The following ALK variants were observed in gnomAD, a reference collection of about 807,000 sequenced individuals.
ALK encodes ALK tyrosine kinase receptor.
In ALK, 74 loss-of-function variants were observed where a neutral mutation model predicts 163.1. The ratio of observed to expected loss-of-function variants is 0.45; its 90% CI spans 0.38 to 0.55. The LOEUF is 0.55. Among genes scored for constraint, ALK ranks in the 20% least tolerant of loss-of-function variants. The pLI, the probability that ALK is intolerant of heterozygous loss-of-function variation, is 0.00. For missense variants in ALK, 2,063 were observed against 2,105.3 expected (o/e 0.98, Z 0.39); for synonymous variants, 960 against 843.2 (o/e 1.14, Z -2.40).
At chr2:29,497,144 C>T (rs997002002) in intron 4 of ALK, among the ~76,000 whole-genome samples, 4 of 152,004 alleles carry the variant, frequency 2.6e-5, no homozygotes, top group Admixed American at 6.5e-5. Flanking sequence ...TGGTGGTGGG[C>T]GCCTGTAATC....
At chr2:29,390,307 A>G (rs908454802) in intron 4 of ALK, among the ~76,000 whole-genome samples, 3 of 152,146 alleles carry the variant, frequency 2.0e-5, no homozygotes, top group Admixed American at 2.0e-4. Flanking sequence ...TGGGATGCCC[A>G]AACTCACGGG....
At chr2:29,595,138 C>A (rs1041132192) in intron 3 of ALK, among the ~76,000 whole-genome samples, 1 of 152,102 alleles carries the variant, frequency 6.6e-6, no homozygotes, top group Non-Finnish European at 1.5e-5. Flanking sequence ...ATTTGCATTA[C>A]ACACAGCTTA....
intron 4 of ALK, among the ~76,000 whole-genome samples, chr2:29,504,376 G>A (rs1325586582): frequency 2.0e-5 from 3 of 152,114 alleles, no homozygotes; most frequent in African/African-American, 4.8e-5. Context: ...GAGGTGGCCT[G>A]CTGGCATAAC....
At chr2:29,365,790 C>T (rs1355095629) in intron 5 of ALK, among the ~76,000 whole-genome samples, 1 of 152,082 alleles carries the variant, frequency 6.6e-6, no homozygotes, top group Non-Finnish European at 1.5e-5. Flanking sequence ...TCCATAAAGA[C>T]CTTTATAAAA....
intron 1 of ALK, among the ~76,000 whole-genome samples, chr2:29,894,541 AG>A (rs1667221512): frequency 6.6e-6 from 1 of 152,002 alleles, no homozygotes; most frequent in Non-Finnish European, 1.5e-5. Context: ...GGGGAGGGGG[AG>A]CAGGGAAAAA....
intron 4 of ALK, among the ~76,000 whole-genome samples, chr2:29,401,824 A>C (rs1245604706): frequency 1.3e-5 from 2 of 152,222 alleles, no homozygotes; most frequent in Non-Finnish European, 2.9e-5. Flanking sequence ...AGCGATTAAA[A>C]GGGAATTGCA....
At chr2:29,604,601 C>T (rs1441544894) in intron 3 of ALK, among the ~76,000 whole-genome samples, 1 of 152,180 alleles carries the variant, frequency 6.6e-6, no homozygotes, top group Non-Finnish European at 1.5e-5. Flanking sequence ...CCACTTTGAA[C>T]ACCTCCCTGA....
chr2:29,827,588 T>A (rs1396999087), intron 1 of ALK, among the ~76,000 whole-genome samples: 7 of 152,184 alleles, frequency 4.6e-5, no homozygotes, highest in Admixed American at 3.3e-4. Context: ...GCTCAAACCC[T>A]ATGTGAGGTG....
chr2:29,425,555 T>A lies in ALK; in HGVS notation c.1155-41696A>T, dbSNP rs1159456163. Among the ~76,000 whole-genome samples the A allele has an allele frequency of 2.6e-5, 4 of 152,074 alleles. No individual in the cohort carries two copies. In the East Asian group the frequency reaches 7.7e-4, roughly 29 times the overall value. On this transcript the variant is annotated intron_variant, in intron 4 of 28. Transcript: ENST00000389048. ...CCCTCACCACAGCTCATGTGTAGGA[T>A]GGATGTTCTAAGCTGCAAGAGACAT...
rs1383255269 is a variant in ALK, at chr2:29,196,949, G to C, written c.4074-89C>G. Reference sequence around the variant, plus strand: ...CCAGCCCCAGGGTTGCAACGAATACGTTGAGGGTGCGAACTCGTCTAGGCC... The same window carrying C: ...CCAGCCCCAGGGTTGCAACGAATACCTTGAGGGTGCGAACTCGTCTAGGCC... On this transcript the variant is annotated intron_variant, in intron 27 of 28. Transcript: ENST00000389048. 4 of 1,141,088 alleles carry C rather than the reference G, an allele frequency of 3.5e-6. No homozygotes were observed. The African/African-American group carries it at 4.6e-5, about 13-fold the overall frequency. 70.7% of individuals were successfully genotyped at this position (1,141,088 alleles called of 1,614,324 possible).
chr2:29,582,282 T>C (rs1674725117), intron 3 of ALK, among the ~76,000 whole-genome samples: 1 of 152,194 alleles, frequency 6.6e-6, no homozygotes, highest in South Asian at 2.1e-4. Flanking sequence ...ATTTGAATAG[T>C]ACTCAGAAAC....
At chr2:29,853,477 G>A (rs1666057327) in intron 1 of ALK, among the ~76,000 whole-genome samples, 1 of 151,914 alleles carries the variant, frequency 6.6e-6, no homozygotes, top group Non-Finnish European at 1.5e-5. Context: ...AAGATCCCAG[G>A]CCCCCCACAC....
At chr2:29,504,188 T>C (rs1227902477) in intron 4 of ALK, among the ~76,000 whole-genome samples, 1 of 151,822 alleles carries the variant, frequency 6.6e-6, no homozygotes, top group African/African-American at 2.4e-5. Flanking sequence ...AGGGAAGGTG[T>C]TGCATGCTAG....
chr2:29,331,856 AACAAGAAAAGTTCTC>A (rs1288042421), intron 5 of ALK, among the ~76,000 whole-genome samples: 2 of 152,200 alleles, frequency 1.3e-5, no homozygotes, highest in African/African-American at 2.4e-5. Context: ...TATTTAGGAT[AACAAGAAAAGTTCTC>A]ACATTTGCTT....
intron 1 of ALK, among the ~76,000 whole-genome samples, chr2:29,727,556 C>A (rs1030285875): frequency 6.6e-6 from 1 of 152,172 alleles, no homozygotes; most frequent in Admixed American, 6.5e-5. Context: ...CTTTCCCAGC[C>A]AACTTTTGGG....
chr2:29,508,346 C>T (rs1198573745), intron 4 of ALK, among the ~76,000 whole-genome samples: 8 of 152,156 alleles, frequency 5.3e-5, no homozygotes, highest in Admixed American at 3.3e-4. Context: ...CACATATACA[C>T]CATGGAATAC....
chr2:29,279,985 G>C (rs1379264340), intron 9 of ALK, among the ~76,000 whole-genome samples: 1 of 151,868 alleles, frequency 6.6e-6, no homozygotes, highest in Non-Finnish European at 1.5e-5. Flanking sequence ...GTATGTACCA[G>C]GTAGACTACC....
At chr2:29,329,824 C>T (rs1045520998) in intron 5 of ALK, among the ~76,000 whole-genome samples, 2 of 152,232 alleles carry the variant, frequency 1.3e-5, no homozygotes, top group African/African-American at 4.8e-5. Flanking sequence ...TACTTTAGCA[C>T]ATCTGGCCCT....
At chr2:29,401,094 A>T (rs1669433597) in intron 4 of ALK, among the ~76,000 whole-genome samples, 1 of 152,116 alleles carries the variant, frequency 6.6e-6, no homozygotes, top group African/African-American at 2.4e-5. Context: ...GATACAAAGC[A>T]CTAAATGGCA....
Sources: gnomAD v4.1 joint callset for allele counts (sites outside exome capture counted in the v4.1 genomes callset) on GRCh38, gnomAD v4.1.1 for gene constraint, MANE v1.5 for transcripts, NCBI Gene and HGNC (gene_info 2026-07-23, HGNC 2026-07-21) for gene names.